Variants in M1AP observed in about 807,000 individuals in gnomAD.
M1AP encodes the protein meiosis 1 arrest protein.
A neutral mutation model predicts 51.2 loss-of-function variants in M1AP; 39 were observed. The observed-to-expected ratio is 0.76, with a 90% confidence interval of 0.59 to 1.00. The LOEUF (loss-of-function observed/expected upper bound fraction) is 1.00, where lower values mean the gene tolerates loss of function less well. M1AP is among the 50% of genes least tolerant of loss of function. M1AP has a pLI of 0.00. For missense variants in M1AP, 545 were observed against 641.2 expected (o/e 0.85, Z 1.62); for synonymous variants, 251 against 249.2 (o/e 1.01, Z -0.07).
At chr2:74,623,613 A>T (rs1023224164) in intron 2 of M1AP, among the ~76,000 whole-genome samples, 1 of 152,176 alleles carries the variant, frequency 6.6e-6, no homozygotes, top group African/African-American at 2.4e-5. Flanking sequence ...AAACTTCCTC[A>T]GGCAAATCTA....
chr2:74,617,512 C>T (rs1199324608), intron 2 of M1AP, among the ~76,000 whole-genome samples: 3 of 152,188 alleles, frequency 2.0e-5, no homozygotes, highest in Non-Finnish European at 4.4e-5. Context: ...ACAACACACA[C>T]TGGGGCCTGT....
chr2:74,625,304 T>G (rs1682316766), intron 2 of M1AP, among the ~76,000 whole-genome samples: 1 of 152,226 alleles, frequency 6.6e-6, no homozygotes. Context: ...GTTTTCTATG[T>G]ATGTAGAAAA....
chr2:74,599,008 T>C (rs1446961799), intron 4 of M1AP, among the ~76,000 whole-genome samples: 7 of 152,068 alleles, frequency 4.6e-5, no homozygotes, highest in Non-Finnish European at 1.0e-4. Context: ...CTGGGCACGG[T>C]GGCTCATGCC....
chr2:74,627,773 T>A (rs1414494549), intron 2 of M1AP, among the ~76,000 whole-genome samples: 2 of 152,204 alleles, frequency 1.3e-5, no homozygotes, highest in African/African-American at 4.8e-5. Context: ...CTAGCCCTAA[T>A]TTGGTTTTCA....
At chr2:74,643,958 C>T (rs1683457256) in intron 1 of M1AP, among the ~76,000 whole-genome samples, 1 of 152,016 alleles carries the variant, frequency 6.6e-6, no homozygotes, top group South Asian at 2.1e-4. Context: ...TATTAAACTA[C>T]ACATTCATGT....
chr2:74,614,580 TA>T (rs1358588384), intron 3 of M1AP, among the ~76,000 whole-genome samples: 2 of 152,172 alleles, frequency 1.3e-5, no homozygotes, highest in Admixed American at 6.5e-5. Context: ...AAGATTTGAT[TA>T]AAAACAACTG....
At chr2:74,573,922 T>C (rs1678900732) in intron 7 of M1AP, among the ~76,000 whole-genome samples, 2 of 152,214 alleles carry the variant, frequency 1.3e-5, no homozygotes, top group South Asian at 2.1e-4. Context: ...ATTCCTCCCA[T>C]GTGATGTATC....
intron 4 of M1AP, among the ~76,000 whole-genome samples, chr2:74,591,785 C>T (rs1189489359): frequency 1.3e-5 from 2 of 152,020 alleles, no homozygotes; most frequent in African/African-American, 2.4e-5. Flanking sequence ...AGTCCTAAGA[C>T]ATACTCTTTT....
chr2:74,609,597 A>G (rs1345073676), intron 3 of M1AP, among the ~76,000 whole-genome samples: 1 of 152,194 alleles, frequency 6.6e-6, no homozygotes. Context: ...GTTGGATTAT[A>G]TGGTAGCTCT....
chr2:74,604,976 G>A (rs1411999584), intron 4 of M1AP, among the ~76,000 whole-genome samples: 1 of 152,104 alleles, frequency 6.6e-6, no homozygotes, highest in Non-Finnish European at 1.5e-5. Flanking sequence ...TTGGGAGGCC[G>A]AGGCGGGTGG....
intron 4 of M1AP, among the ~76,000 whole-genome samples, chr2:74,582,373 C>T (rs557866234): frequency 6.0e-4 from 91 of 152,222 alleles, no homozygotes; most frequent in African/African-American, 2.0e-3. Flanking sequence ...AAACCCCAAA[C>T]GGGAAGCAGT....
chr2:74,567,415 A>G (rs1327911171), intron 7 of M1AP, among the ~76,000 whole-genome samples: 3 of 152,234 alleles, frequency 2.0e-5, no homozygotes, highest in East Asian at 1.9e-4. Context: ...CCTGCAATCA[A>G]TATGCTGATA....
At chr2:74,605,553 T>C (rs1680923307) in intron 4 of M1AP, among the ~76,000 whole-genome samples, 1 of 152,196 alleles carries the variant, frequency 6.6e-6, no homozygotes, top group African/African-American at 2.4e-5. Context: ...CTAGGTATAA[T>C]GTTGTATAGC....
chr2:74,646,078 AAT>A (rs1683596182), intron 1 of M1AP, among the ~76,000 whole-genome samples: 1 of 152,208 alleles, frequency 6.6e-6, no homozygotes, highest in Non-Finnish European at 1.5e-5. Flanking sequence ...GTACTGATAT[AAT>A]ATAGTGATCA....
At chr2:74,584,520 G>A (rs1679590877) in intron 4 of M1AP, among the ~76,000 whole-genome samples, 1 of 151,168 alleles carries the variant, frequency 6.6e-6, no homozygotes, top group Non-Finnish European at 1.5e-5. Flanking sequence ...AGATAAACTT[G>A]CTGAGTTGAA....
At chr2:74,583,983 A>G (rs1268476461) in intron 4 of M1AP, among the ~76,000 whole-genome samples, 3 of 152,192 alleles carry the variant, frequency 2.0e-5, no homozygotes, top group Non-Finnish European at 4.4e-5. Flanking sequence ...TCCATCAGAT[A>G]TATCTGACAC....
chr2:74,646,660 G>A (rs1010078560), intron 1 of M1AP, among the ~76,000 whole-genome samples: 2 of 152,160 alleles, frequency 1.3e-5, no homozygotes, highest in Non-Finnish European at 2.9e-5. Context: ...GTTTTACTAT[G>A]AGAGTTTTTT....
rs781268658 is a variant in M1AP, at chr2:74,559,695, T to TA, written c.1434+2dup. The TA allele has an allele frequency of 1.4e-6, 1 of 718,410 alleles. No individual in the cohort carries two copies. 44.5% of individuals were successfully genotyped at this position (718,410 alleles called of 1,614,324 possible). A position where few individuals can be genotyped will look rare whatever the true frequency, so the allele number is the denominator to read the frequency against. On this transcript the variant is annotated splice_region_variant and intron_variant, in intron 10 of 10. Coordinates refer to ENST00000421985, the MANE Select transcript of M1AP (RefSeq NM_001321739.2). The stretch of plus-strand genomic sequence containing the variant: ...CCTCATCTGTAAATGAGCAAACACT[T>TA]ACCTTGCAGGGATGCTGTGAGGATT...
At position 74,576,390 on chromosome 2, in the gene M1AP, G is replaced by C. The variant is rs10170219; in HGVS notation, c.932+66C>G. The C allele has an allele frequency of 0.025, 38,448 of 1,535,930 alleles. 3,172 individuals are homozygous for C. In the African/African-American group the frequency reaches 0.28, roughly 11 times the overall value. Reference sequence around the variant, plus strand: ...TTAAGAGATACCATCTATCTCTGGAGTTCCTAGCCACAGAACCACTAAGAA... The same window carrying C: ...TTAAGAGATACCATCTATCTCTGGACTTCCTAGCCACAGAACCACTAAGAA... On this transcript the variant is annotated intron_variant, in intron 6 of 10. Coordinates refer to ENST00000421985, the MANE Select transcript of M1AP (RefSeq NM_001321739.2).
Sources: allele counts gnomAD v4.1 joint callset (sites outside exome capture counted in the v4.1 genomes callset), GRCh38; gene constraint gnomAD v4.1.1; transcripts MANE v1.5; gene names NCBI Gene and HGNC (gene_info 2026-07-23, HGNC 2026-07-21).